DYRK1A: variants seen among roughly 807,000 people sequenced by gnomAD.
The protein encoded by DYRK1A is dual specificity tyrosine phosphorylation regulated kinase 1A, also known as dual specificity tyrosine-phosphorylation-regulated kinase 1A.
DYRK1A carries 9 observed loss-of-function variants against 79.7 expected under a neutral mutation model. The observed-to-expected ratio is 0.11, with a 90% confidence interval of 0.07 to 0.20. DYRK1A has a LOEUF of 0.20. DYRK1A is among the 10% of genes least tolerant of loss of function. DYRK1A has a pLI of 1.00. For synonymous variants in DYRK1A, 349 were observed against 329.7 expected, an observed-to-expected ratio of 1.06 and a Z score of -0.63; for missense variants, 622 against 956.0, an observed-to-expected ratio of 0.65 and a Z score of 4.61.
At chr21:37,460,247 GTT>G (rs2051794709) in intron 2 of DYRK1A, among the ~76,000 whole-genome samples, 12 of 151,930 alleles carry the variant, frequency 7.9e-5, no homozygotes, top group Admixed American at 6.6e-4. Flanking sequence ...AGAATCTTTT[GTT>G]TCCTGTTGAC....
chr21:37,491,640 T>G (rs1168295964), intron 7 of DYRK1A, among the ~76,000 whole-genome samples: 3 of 152,216 alleles, frequency 2.0e-5, no homozygotes, highest in Admixed American at 1.3e-4. Context: ...AAAATTGGAG[T>G]AGGGAGCAAA....
chr21:37,429,153 C>A (rs1403873850), intron 2 of DYRK1A, among the ~76,000 whole-genome samples: 1 of 152,134 alleles, frequency 6.6e-6, no homozygotes, highest in African/African-American at 2.4e-5. Flanking sequence ...ATCAGATACT[C>A]AAAAAGATAC....
chr21:37,487,822 A>C (rs574438726), intron 6 of DYRK1A: 2 of 152,294 alleles, frequency 1.3e-5, no homozygotes, highest in East Asian at 3.9e-4. Context: ...TATAATTCAT[A>C]ATAATACCAT....
chr21:37,400,873 A>G (rs1439670571), intron 1 of DYRK1A, among the ~76,000 whole-genome samples: 1 of 152,130 alleles, frequency 6.6e-6, no homozygotes, highest in East Asian at 1.9e-4. Context: ...GGCCAGGTGC[A>G]GTGGCTCACG....
At chr21:37,470,287 G>A (rs1432746846) in intron 2 of DYRK1A, among the ~76,000 whole-genome samples, 1 of 152,100 alleles carries the variant, frequency 6.6e-6, no homozygotes, top group East Asian at 1.9e-4. Context: ...TCCCCGTTTC[G>A]TGACACAGAT....
At chr21:37,499,944 G>A (rs2053389639) in intron 9 of DYRK1A, among the ~76,000 whole-genome samples, 1 of 152,182 alleles carries the variant, frequency 6.6e-6, no homozygotes, top group Non-Finnish European at 1.5e-5. Context: ...TTCCCTGGAT[G>A]TGAAACCTGT....
chr21:37,399,926 T>G (rs1355302089), intron 1 of DYRK1A, among the ~76,000 whole-genome samples: 1 of 152,228 alleles, frequency 6.6e-6, no homozygotes, highest in Non-Finnish European at 1.5e-5. Context: ...AACCTACTTG[T>G]ATTAGTTCCC....
chr21:37,416,106 T>C (rs188040138), intron 1 of DYRK1A, among the ~76,000 whole-genome samples: 62 of 152,254 alleles, frequency 4.1e-4, no homozygotes, highest in Non-Finnish European at 6.8e-4. Flanking sequence ...CAGTTAATCC[T>C]TCTGACCCTT....
chr21:37,465,073 G>A (rs2051978873), intron 2 of DYRK1A, among the ~76,000 whole-genome samples: 1 of 152,192 alleles, frequency 6.6e-6, no homozygotes, highest in Non-Finnish European at 1.5e-5. Flanking sequence ...GAGACAATGA[G>A]CATGTGGCAA....
chr21:37,517,763 G>C lies in DYRK1A; in HGVS notation c.*5232G>C, dbSNP rs2053895640. The C allele has an allele frequency of 6.6e-6, 1 of 152,152 alleles. No homozygotes were observed. Among genetic ancestry groups the C allele is most frequent in the Non-Finnish European group, 1.5e-5 (1 of 68,042 alleles). The allele number at this position is 152,152 out of a possible 1,614,324, so 9.4% of individuals were successfully genotyped here. A position where few individuals can be genotyped will look rare whatever the true frequency, so the allele number is the denominator to read the frequency against. ...AAAGAGACCCTGGGAGGATGAATTT[G>C]GAATCATCATCCACTCACTGTTGGA... On this transcript the variant is annotated 3_prime_UTR_variant, in exon 12 of 12. Coordinates refer to ENST00000647188, the MANE Select transcript of DYRK1A (RefSeq NM_001347721.2).
At chr21:37,406,980 A>G (rs1054439824) in intron 1 of DYRK1A, among the ~76,000 whole-genome samples, 1 of 147,888 alleles carries the variant, frequency 6.8e-6, no homozygotes, top group African/African-American at 2.5e-5. Context: ...ACTCCTCCCT[A>G]CCGCTCCTCC....
At chr21:37,425,200 CTT>C (rs1354068544) in intron 2 of DYRK1A, among the ~76,000 whole-genome samples, 1 of 152,154 alleles carries the variant, frequency 6.6e-6, no homozygotes, top group Non-Finnish European at 1.5e-5. Context: ...GGCTTATCCT[CTT>C]TGTGTGCCCT....
At chr21:37,447,191 G>T (rs571057349) in intron 2 of DYRK1A, among the ~76,000 whole-genome samples, 8 of 152,118 alleles carry the variant, frequency 5.3e-5, no homozygotes, top group African/African-American at 1.4e-4. Context: ...TTTCTCTGAG[G>T]GCCTTGTTTC....
chr21:37,496,575 A>G (rs756085716), intron 9 of DYRK1A, among the ~76,000 whole-genome samples: 1 of 152,212 alleles, frequency 6.6e-6, no homozygotes, highest in Non-Finnish European at 1.5e-5. Flanking sequence ...TTTGTTTCTC[A>G]CAGCTTGGGC....
At chr21:37,391,582 A>G (rs1185885203) in intron 1 of DYRK1A, among the ~76,000 whole-genome samples, 1 of 151,928 alleles carries the variant, frequency 6.6e-6, no homozygotes, top group African/African-American at 2.4e-5. Flanking sequence ...GCCTTTTATT[A>G]TTTTTTGCAG....
intron 3 of DYRK1A, among the ~76,000 whole-genome samples, chr21:37,475,780 T>C (rs555954292): frequency 6.6e-6 from 1 of 152,348 alleles, no homozygotes; most frequent in East Asian, 1.9e-4. Context: ...ATTTTGTATA[T>C]GTACTGTATA....
chr21:37,455,738 C>T (rs2051615767), intron 2 of DYRK1A, among the ~76,000 whole-genome samples: 1 of 152,140 alleles, frequency 6.6e-6, no homozygotes, highest in Non-Finnish European at 1.5e-5. Context: ...TGGTTCCAGT[C>T]CACCTTACAC....
At chr21:37,499,258 A>G (rs1459348526) in intron 9 of DYRK1A, among the ~76,000 whole-genome samples, 2 of 152,132 alleles carry the variant, frequency 1.3e-5, no homozygotes, top group African/African-American at 2.4e-5. Context: ...TTTTACAGTT[A>G]GGATTCTGTG....
intron 1 of DYRK1A, among the ~76,000 whole-genome samples, chr21:37,389,701 C>T (rs575930645): frequency 4.6e-5 from 7 of 151,260 alleles, no homozygotes; most frequent in Non-Finnish European, 7.4e-5. Flanking sequence ...GAGCTCTTTG[C>T]GAGGGTGAGG....
Sources: gnomAD v4.1 joint callset for allele counts (sites outside exome capture counted in the v4.1 genomes callset) on GRCh38, gnomAD v4.1.1 for gene constraint, MANE v1.5 for transcripts, NCBI Gene and HGNC (gene_info 2026-07-23, HGNC 2026-07-21) for gene names.